GPM6B: variants seen among roughly 807,000 people sequenced by gnomAD.
GPM6B encodes the protein glycoprotein M6B, also known as neuronal membrane glycoprotein M6-b.
In GPM6B, 4 loss-of-function variants were observed where a neutral mutation model predicts 27.2. The observed-to-expected ratio is 0.15, with a 90% confidence interval of 0.07 to 0.34. GPM6B has a LOEUF of 0.34. GPM6B is among the 10% of genes least tolerant of loss of function. The pLI is 1.00. For synonymous variants in GPM6B, 124 were observed against 103.1 expected (o/e 1.20, Z -1.23); for missense variants, 183 against 261.9 (o/e 0.70, Z 2.08).
intron 1 of GPM6B, among the ~76,000 whole-genome samples, chrX:13,810,744 T>A (rs1188779316): frequency 4.1e-4 from 33 of 80,630 alleles, no homozygotes; most frequent in Admixed American, 4.3e-4. Flanking sequence ...ATTCAGGATT[T>A]AAAAAAAAAA....
At chrX:13,779,486 TAAAG>T (rs749076518) in intron 5 of GPM6B, among the ~76,000 whole-genome samples, 48 of 111,932 alleles carry the variant, frequency 4.3e-4, no homozygotes, top group Non-Finnish European at 3.2e-4. Context: ...AAACTGAAAA[TAAAG>T]AAAAAATACA....
rs1419526671 is a variant in GPM6B, at chrX:13,861,008, A to G, written c.-197-75200T>C. On this transcript the variant is annotated intron_variant, in intron 1 of 6. Transcript: ENST00000398361. ...TATTCCACAGAATGAATGTGCATAC[A>G]CACACACACACACACACACACACAC... 3.4e-4 allele frequency among the ~76,000 whole-genome samples: 3 copies of G among 8,919 alleles called. No individual in the cohort carries two copies. In the African/African-American group the frequency reaches 3.5e-3, roughly 10 times the overall value. 7.7% of individuals were successfully genotyped at this position (8,919 alleles called of 115,157 possible).
intron 1 of GPM6B, among the ~76,000 whole-genome samples, chrX:13,848,765 C>T (rs2049679711): frequency 8.9e-6 from 1 of 112,331 alleles, no homozygotes; most frequent in Non-Finnish European, 1.9e-5. Context: ...ATAAAAACTT[C>T]TGTCCACACA....
Position 13,779,873 on chromosome X carries a change from C to T in GPM6B, c.642G>A (p.Pro214=). 3 of 1,199,919 alleles carry T rather than the reference C, an allele frequency of 2.5e-6. No homozygotes were observed. The highest frequency in any genetic ancestry group is 1.7e-5 in the African/African-American group (1 of 57,606). ...CCACACCCGTGGTCCCGTTGGTCTG[C>T]GGTGACTTGATGACTTCACAAGTTG... ...IWSTCEVIKS[P]QTNGTTGVEQ... Residue 214 remains proline, a synonymous_variant, in exon 5 of 8, where the codon CCG becomes CCA. Coordinates refer to ENST00000316715, the MANE Select transcript of GPM6B (RefSeq NM_001001995.3).
intron 1 of GPM6B, among the ~76,000 whole-genome samples, chrX:13,861,005 TACACACACACACACACACAC>T (rs55808485): frequency 2.5e-5 from 2 of 79,386 alleles, no homozygotes; most frequent in African/African-American, 6.1e-5. Flanking sequence ...TGAATGTGCA[TACACACACACACACACACAC>T]ACACACACAC....
intron 1 of GPM6B, among the ~76,000 whole-genome samples, chrX:13,834,100 G>A (rs1191493028): frequency 1.8e-5 from 2 of 112,575 alleles, no homozygotes; most frequent in Admixed American, 1.9e-4. Context: ...AACATTATGT[G>A]CCCAGAATTC....
At chrX:13,815,359 T>A (rs1020697593) in intron 1 of GPM6B, among the ~76,000 whole-genome samples, 1 of 111,694 alleles carries the variant, frequency 9.0e-6, no homozygotes, top group Admixed American at 9.5e-5. Context: ...GCAATCAACT[T>A]AGTCTCTAGT....
intron 2 of GPM6B, among the ~76,000 whole-genome samples, chrX:13,803,288 G>A (rs980468306): frequency 3.6e-5 from 4 of 110,562 alleles, no homozygotes; most frequent in African/African-American, 9.9e-5. Flanking sequence ...TGGGCCCTCC[G>A]TCAGTCTGCT....
chrX:13,937,801 C>G, intron 1 of GPM6B, among the ~76,000 whole-genome samples: 1 of 111,332 alleles, frequency 9.0e-6, no homozygotes. Context: ...AGATTTTAAC[C>G]CTCCGGAGCT....
At chrX:13,827,322 A>C (rs781119453) in intron 1 of GPM6B, among the ~76,000 whole-genome samples, 1 of 84,846 alleles carries the variant, frequency 1.2e-5, no homozygotes, top group Admixed American at 1.6e-4. Context: ...TCACTTTATC[A>C]CCCAGGCTGG....
chrX:13,845,480 T>C (rs746454496), intron 1 of GPM6B, among the ~76,000 whole-genome samples: 2 of 112,260 alleles, frequency 1.8e-5, no homozygotes, highest in African/African-American at 6.5e-5. Context: ...ACAGAGATGA[T>C]AGATTTTATT....
intron 1 of GPM6B, among the ~76,000 whole-genome samples, chrX:13,906,765 G>A (rs997576362): frequency 8.9e-6 from 1 of 111,797 alleles, no homozygotes; most frequent in Admixed American, 9.5e-5. Flanking sequence ...TTATTGGGAA[G>A]GAAAAATCAC....
At chrX:13,908,186 T>A (rs1365766626) in intron 1 of GPM6B, among the ~76,000 whole-genome samples, 1 of 99,142 alleles carries the variant, frequency 1.0e-5, no homozygotes, top group Non-Finnish European at 2.0e-5. Flanking sequence ...TTAATTTTGC[T>A]GTGAACCTGA....
At chrX:13,785,539 C>G (rs2048593974) in intron 3 of GPM6B, 83 bp downstream of exon 3, 11 of 954,250 alleles carry the variant, frequency 1.2e-5, no homozygotes, top group Non-Finnish European at 1.6e-5. Flanking sequence ...CTGCCTGCCT[C>G]AGCCTCCCAA....
At chrX:13,870,308 G>A (rs1250141555) in intron 1 of GPM6B, among the ~76,000 whole-genome samples, 4 of 112,518 alleles carry the variant, frequency 3.6e-5, no homozygotes, top group Non-Finnish European at 5.6e-5. Flanking sequence ...CCATGTTCCA[G>A]ATATAATGTC....
chrX:13,834,143 C>T (rs1356341806), intron 1 of GPM6B, among the ~76,000 whole-genome samples: 2 of 112,800 alleles, frequency 1.8e-5, no homozygotes, highest in Middle Eastern at 4.6e-3. Flanking sequence ...AACCATCCAG[C>T]TCATCTTTCC....
chrX:13,821,275 C>T (rs949952566), upstream of GPM6B, among the ~76,000 whole-genome samples: 2 of 112,443 alleles, frequency 1.8e-5, no homozygotes, highest in Non-Finnish European at 3.8e-5. Flanking sequence ...AGGGCTTTGG[C>T]TGATGCCTGT....
At chrX:13,783,892 C>G (rs1405238456) in intron 3 of GPM6B, 19 of 338,788 alleles carry the variant, frequency 5.6e-5, no homozygotes, top group Admixed American at 1.6e-4. Flanking sequence ...AAGCCAGCAT[C>G]TGAACCCTGG....
intron 4 of GPM6B, chrX:13,780,768 T>C (rs1277833561): frequency 5.9e-6 from 1 of 168,332 alleles, no homozygotes; most frequent in Non-Finnish European, 1.1e-5. Flanking sequence ...TTCAGAGAGC[T>C]TTGTGAGGCG....
Sources: allele counts gnomAD v4.1 joint callset (sites outside exome capture counted in the v4.1 genomes callset), GRCh38; gene constraint gnomAD v4.1.1; transcripts MANE v1.5; gene names NCBI Gene and HGNC (gene_info 2026-07-23, HGNC 2026-07-21).